The following UNK variants were observed in gnomAD, a reference collection of about 807,000 sequenced individuals.
UNK encodes unk zinc finger.
In UNK, 32 loss-of-function variants were observed where a neutral mutation model predicts 97.6. The observed-to-expected ratio is 0.33, with a 90% CI of 0.25 to 0.44. UNK has a LOEUF of 0.44. UNK is among the 20% of genes least tolerant of loss of function. The pLI is 1.00. For synonymous variants in UNK, 441 were observed against 461.2 expected, an observed-to-expected ratio of 0.96 and a Z score of 0.56; for missense variants, 771 against 1,098.4, an observed-to-expected ratio of 0.70 and a Z score of 4.21.
In UNK at chr17:75,824,854, G is replaced by A. The variant is rs7207208; in HGVS notation, c.*437G>A. On this transcript the variant is annotated 3_prime_UTR_variant, in exon 16 of 16. Coordinates refer to ENST00000589666, the MANE Select transcript of UNK (RefSeq NM_001080419.3). The surrounding 1 kb of genome is among the most constrained non-coding windows in gnomAD (Gnocchi z 4.9). ...CCTGGGGCCTGAGCAGGGAAGGGTG[G>A]GACTGGAAGGCACTAAGGGGAAGGG... 0.079 allele frequency: 11,967 copies of A among 152,264 alleles called. 931 individuals carry two copies. Among genetic ancestry groups the A allele is most frequent in the East Asian group, 0.31 (1,583 of 5,128 alleles). 9.4% of individuals were successfully genotyped at this position (152,264 alleles called of 1,614,324 possible). A position where few individuals can be genotyped will look rare whatever the true frequency, so the allele number is the denominator to read the frequency against.
intron 1 of UNK, among the ~76,000 whole-genome samples, chr17:75,806,227 G>A (rs1019742356): frequency 8.6e-5 from 13 of 152,042 alleles, no homozygotes; most frequent in South Asian, 2.1e-4. Flanking sequence ...AGGCCGAGGC[G>A]GGCGGATCGC....
Position 75,824,313 on chromosome 17 carries a change from C to G in UNK, c.2329C>G (p.Arg777Gly), listed in dbSNP as rs1436365916. ...ATGCCTTAAGTGTCAGGAACAGAAG[C>G]GGGCAGTGCTGCCGTGCCAACACGC... ...VKCLKCQEQK[R>G]AVLPCQHAAL... Residue 777 changes from arginine (R) to glycine (G), a missense_variant, in exon 16 of 16, where the codon CGG becomes GGG. Transcript: ENST00000589666. The surrounding 1 kb of genome is among the most constrained non-coding windows in gnomAD (Gnocchi z 4.9). The G allele has an allele frequency of 6.2e-7, 1 of 1,604,842 alleles. No homozygotes were observed. The highest frequency in any genetic ancestry group is 8.5e-7 in the Non-Finnish European group (1 of 1,176,666).
At chr17:75,810,357 G>A (rs938929903) in intron 2 of UNK, among the ~76,000 whole-genome samples, 3 of 152,130 alleles carry the variant, frequency 2.0e-5, no homozygotes, top group African/African-American at 7.2e-5. Flanking sequence ...GCAAATCTCT[G>A]TAGAGAAATA....
chr17:75,799,976 CAAAA>C (rs778412852), intron 1 of UNK, among the ~76,000 whole-genome samples: 13 of 152,254 alleles, frequency 8.5e-5, no homozygotes, highest in East Asian at 1.9e-4. Context: ...AAAAAAAAGA[CAAAA>C]AAACCCAAGT....
intron 1 of UNK, among the ~76,000 whole-genome samples, chr17:75,804,990 G>A (rs1211144542): frequency 6.6e-6 from 1 of 151,694 alleles, no homozygotes; most frequent in Non-Finnish European, 1.5e-5. Context: ...TCAGGAGATC[G>A]AGACCACAGT....
intron 1 of UNK, among the ~76,000 whole-genome samples, chr17:75,799,728 C>A (rs1377616526): frequency 1.3e-5 from 2 of 152,122 alleles, no homozygotes; most frequent in Non-Finnish European, 2.9e-5. Context: ...GCAGTAGGAA[C>A]ATGGAAGCGG....
intron 13 of UNK, among the ~76,000 whole-genome samples, chr17:75,820,580 G>A (rs1192094360): frequency 2.0e-5 from 3 of 152,212 alleles, no homozygotes; most frequent in South Asian, 4.1e-4. Flanking sequence ...GCCGGGCAGA[G>A]GCTCCAGGGA....
At chr17:75,822,449 G>C in intron 13 of UNK, 28 bp from the exon 14 acceptor site, 2 of 1,589,532 alleles carry the variant, frequency 1.3e-6, no homozygotes, top group Non-Finnish European at 8.6e-7. Context: ...GCCCTCCGGA[G>C]CTGATGTTCT....
At chr17:75,803,412 G>A (rs1016206172) in intron 1 of UNK, among the ~76,000 whole-genome samples, 3 of 152,170 alleles carry the variant, frequency 2.0e-5, no homozygotes, top group Non-Finnish European at 2.9e-5. Context: ...AAAGAAGGCC[G>A]ATTTCATGTG....
chr17:75,801,715 T>A (rs142867970), intron 1 of UNK, among the ~76,000 whole-genome samples: 3,517 of 151,994 alleles, frequency 0.023, 60 homozygotes, highest in South Asian at 0.042. Context: ...CCTGGCTAAT[T>A]TGTATTTTTA....
chr17:75,794,056 C>CT (rs2061784572), intron 1 of UNK: 1 of 984,994 alleles, frequency 1.0e-6, no homozygotes. Flanking sequence ...ATCAGACCAT[C>CT]TAAATATAAT....
intron 2 of UNK, 24 bp from the exon 3 acceptor site, chr17:75,812,088 G>GT: frequency 1.3e-6 from 2 of 1,562,772 alleles, no homozygotes; most frequent in Non-Finnish European, 1.7e-6. Context: ...GCAAAGTTGA[G>GT]TGACCCCCAC....
intron 1 of UNK, among the ~76,000 whole-genome samples, chr17:75,800,988 C>CT (rs1280827471): frequency 6.6e-6 from 1 of 151,740 alleles, no homozygotes; most frequent in Non-Finnish European, 1.5e-5. Flanking sequence ...ACTGCAAGCT[C>CT]TGTCTCCCGG....
chr17:75,785,091 T>G, intron 1 of UNK, 107 bp downstream of exon 1: 3 of 634,878 alleles, frequency 4.7e-6, no homozygotes, highest in Non-Finnish European at 7.6e-6. Flanking sequence ...CTCCCCCCCT[T>G]CCTCCTCCGG....
chr17:75,797,646 C>T (rs2061818915), intron 1 of UNK, among the ~76,000 whole-genome samples: 1 of 152,190 alleles, frequency 6.6e-6, no homozygotes, highest in Non-Finnish European at 1.5e-5. Flanking sequence ...CCTGTCTTTG[C>T]CAGCTGCTGT....
At chr17:75,792,511 A>G (rs1371532547) in intron 1 of UNK, 1 of 983,346 alleles carries the variant, frequency 1.0e-6, no homozygotes, top group Non-Finnish European at 1.2e-6. Flanking sequence ...GCCAATATAT[A>G]AAAATTACAT....
At chr17:75,785,072 G>T (rs2061694593) in intron 1 of UNK, 88 bp downstream of exon 1, 1 of 915,330 alleles carries the variant, frequency 1.1e-6, no homozygotes, top group Non-Finnish European at 1.6e-6. Context: ...AGCGCGAGGC[G>T]GCCTCTTCCT....
Position 75,788,576 on chromosome 17 carries a change from ACTC to A in UNK, c.104+3595_104+3597del, listed in dbSNP as rs2061734631. Among the ~76,000 whole-genome samples the A allele has an allele frequency of 3.3e-5, 5 of 151,244 alleles. No individual in the cohort carries two copies. In the South Asian group the frequency reaches 1.0e-3, roughly 32 times the overall value. ...ACCATGTTGGTCAGGCTGGTCTTGA[ACTC>A]CTGACCTCGTGATCTGCCCGCCTCG... On this transcript the variant is annotated intron_variant, in intron 1 of 15. Coordinates refer to ENST00000589666, the MANE Select transcript of UNK (RefSeq NM_001080419.3).
intron 1 of UNK, among the ~76,000 whole-genome samples, chr17:75,808,405 C>T (rs2061937979): frequency 1.3e-5 from 2 of 152,144 alleles, no homozygotes; most frequent in African/African-American, 4.8e-5. Context: ...TGCAGTTTGC[C>T]TCCTGTACCT....
Sources: gnomAD v4.1 joint callset for allele counts (sites outside exome capture counted in the v4.1 genomes callset) on GRCh38, gnomAD v4.1.1 for gene constraint, Gnocchi (gnomAD v3.1) non-coding constraint, MANE v1.5 for transcripts, NCBI Gene and HGNC (gene_info 2026-07-23, HGNC 2026-07-21) for gene names.